The following PCSK2 variants were observed in gnomAD, a reference collection of about 807,000 sequenced individuals.
The protein encoded by PCSK2 is neuroendocrine convertase 2.
A neutral mutation model predicts 69.7 loss-of-function variants in PCSK2; 14 were observed. The ratio of observed to expected loss-of-function variants is 0.20; its 90% confidence interval spans 0.13 to 0.31. PCSK2 has a LOEUF of 0.31. Ranked by LOEUF, PCSK2 falls within the 10% of genes least tolerant of loss-of-function variation. The probability of loss-of-function intolerance (pLI) is 1.00; values close to 1 mark genes in which losing one functional copy is unlikely to be tolerated. For missense variants in PCSK2, 544 were observed against 842.5 expected, an observed-to-expected ratio of 0.65 and a Z score of 4.39; for synonymous variants, 307 against 320.7, an observed-to-expected ratio of 0.96 and a Z score of 0.46.
At chr20:17,262,302 G>A (rs371824054) in intron 2 of PCSK2, among the ~76,000 whole-genome samples, 2 of 152,206 alleles carry the variant, frequency 1.3e-5, no homozygotes, top group East Asian at 3.9e-4. Flanking sequence ...CATCTGCCTT[G>A]CCCATGAAGA....
chr20:17,388,378 T>C (rs2031289906), intron 5 of PCSK2, among the ~76,000 whole-genome samples: 1 of 152,024 alleles, frequency 6.6e-6, no homozygotes, highest in South Asian at 2.1e-4. Context: ...ATGGGGGCTT[T>C]TCTAGGAGAA....
chr20:17,438,231 A>C (rs1032384059), intron 8 of PCSK2, among the ~76,000 whole-genome samples: 1 of 152,240 alleles, frequency 6.6e-6, no homozygotes, highest in East Asian at 1.9e-4. Flanking sequence ...TATTATAAAT[A>C]TTTTATAAAA....
At chr20:17,442,529 A>C (rs1398913488) in intron 8 of PCSK2, among the ~76,000 whole-genome samples, 1 of 152,178 alleles carries the variant, frequency 6.6e-6, no homozygotes, top group Non-Finnish European at 1.5e-5. Context: ...CTTTACAGCC[A>C]AGATGGTCAA....
intron 11 of PCSK2, chr20:17,479,139 C>T: frequency 7.3e-7 from 1 of 1,363,472 alleles, no homozygotes; most frequent in African/African-American, 1.4e-5. Context: ...TCCAGTTCTC[C>T]CATCTTACGG....
chr20:17,290,279 T>C (rs1988654785), intron 2 of PCSK2, among the ~76,000 whole-genome samples: 1 of 152,208 alleles, frequency 6.6e-6, no homozygotes, highest in African/African-American at 2.4e-5. Flanking sequence ...TACCCTGTGT[T>C]CTTGTCATCT....
At chr20:17,247,512 C>T (rs975111275) in intron 1 of PCSK2, among the ~76,000 whole-genome samples, 11 of 152,174 alleles carry the variant, frequency 7.2e-5, no homozygotes, top group African/African-American at 1.4e-4. Context: ...AACTAGATCC[C>T]GACTAAGCCT....
intron 4 of PCSK2, among the ~76,000 whole-genome samples, chr20:17,364,187 C>T (rs1219829459): frequency 6.6e-6 from 1 of 151,084 alleles, no homozygotes; most frequent in East Asian, 1.9e-4. Context: ...GGACAAAAGA[C>T]AGTTTTTTCA....
intron 8 of PCSK2, among the ~76,000 whole-genome samples, chr20:17,440,722 TGTG>T (rs1267549340): frequency 2.6e-5 from 4 of 151,934 alleles, no homozygotes; most frequent in Non-Finnish European, 5.9e-5. Context: ...ATTAGCCAGG[TGTG>T]GTGGTGGGCA....
At chr20:17,431,552 G>C (rs1202420346) in intron 7 of PCSK2, among the ~76,000 whole-genome samples, 9 of 152,156 alleles carry the variant, frequency 5.9e-5, no homozygotes, top group Admixed American at 5.9e-4. Context: ...ACCAAGAACA[G>C]ACATCCAAAG....
intron 5 of PCSK2, among the ~76,000 whole-genome samples, chr20:17,384,375 G>A (rs1408900535): frequency 1.4e-5 from 2 of 146,092 alleles, no homozygotes; most frequent in African/African-American, 2.5e-5. Context: ...ATCACCTGAG[G>A]TCAGGAGTTT....
chr20:17,378,624 GATGGATGGATGGATGGATGA>G (rs1389191067), intron 5 of PCSK2, among the ~76,000 whole-genome samples: 3,063 of 119,630 alleles, frequency 0.026, 41 homozygotes, highest in South Asian at 0.045. Context: ...TGGATGGATG[GATGGATGGATGGATGGATGA>G]ATGGATGGAT....
chr20:17,393,787 G>A (rs553933330), intron 5 of PCSK2, among the ~76,000 whole-genome samples: 2 of 152,192 alleles, frequency 1.3e-5, no homozygotes, highest in Non-Finnish European at 2.9e-5. Context: ...ATTAAAATGT[G>A]TAAATAATGC....
chr20:17,465,224 G>T (rs1478322634), intron 10 of PCSK2, 102 bp from the exon 11 acceptor site: 1 of 829,802 alleles, frequency 1.2e-6, no homozygotes, highest in Admixed American at 2.0e-5. Flanking sequence ...TCTTACAAGA[G>T]GTCTGTGTCC....
chr20:17,405,728 T>C (rs1283344292), intron 5 of PCSK2, among the ~76,000 whole-genome samples: 1 of 152,234 alleles, frequency 6.6e-6, no homozygotes, highest in Non-Finnish European at 1.5e-5. Flanking sequence ...TAATTATGCA[T>C]TCAAATATTC....
At chr20:17,315,795 C>T (rs1363383924) in intron 2 of PCSK2, among the ~76,000 whole-genome samples, 4 of 152,208 alleles carry the variant, frequency 2.6e-5, no homozygotes, top group Non-Finnish European at 2.9e-5. Context: ...AGGGCTGCGG[C>T]GTCCTGGCCC....
chr20:17,423,654 A>G (rs893894764), intron 6 of PCSK2, among the ~76,000 whole-genome samples: 4 of 150,024 alleles, frequency 2.7e-5, no homozygotes, highest in Admixed American at 2.7e-4. Context: ...CAAAAAAAAA[A>G]GTCACAATAA....
intron 5 of PCSK2, among the ~76,000 whole-genome samples, chr20:17,382,148 T>C (rs1182315836): frequency 6.6e-6 from 1 of 152,166 alleles, no homozygotes; most frequent in African/African-American, 2.4e-5. Context: ...TAACGAAGTA[T>C]GAGAACCATG....
At chr20:17,229,875 A>G (rs1489243586) in intron 1 of PCSK2, among the ~76,000 whole-genome samples, 1 of 152,200 alleles carries the variant, frequency 6.6e-6, no homozygotes, top group African/African-American at 2.4e-5. Context: ...TGATAGGCAA[A>G]CACTGCACTA....
At chr20:17,431,337 T>TGCCCAGCTC (rs1322870737) in intron 7 of PCSK2, among the ~76,000 whole-genome samples, 4 of 152,182 alleles carry the variant, frequency 2.6e-5, no homozygotes, top group Admixed American at 6.5e-5. Flanking sequence ...CTGTCCAGCC[T>TGCCCAGCTC]GCCCAGCTCG....
Sources: gnomAD v4.1 joint callset for allele counts (sites outside exome capture counted in the v4.1 genomes callset) on GRCh38, gnomAD v4.1.1 for gene constraint, MANE v1.5 for transcripts, NCBI Gene and HGNC (gene_info 2026-07-23, HGNC 2026-07-21) for gene names.